RAI14: variants seen among roughly 807,000 people sequenced by gnomAD.
RAI14 encodes retinoic acid induced 14, also known as ankycorbin.
In RAI14, 45 loss-of-function variants were observed where a neutral mutation model predicts 115.4. The ratio of observed to expected loss-of-function variants is 0.39; its 90% CI spans 0.31 to 0.50. The LOEUF is 0.50. RAI14 is among the 20% of genes least tolerant of loss of function. The pLI, the probability that RAI14 is intolerant of heterozygous loss-of-function variation, is 0.85. For synonymous variants in RAI14, 371 were observed against 415.4 expected, an observed-to-expected ratio of 0.89 and a Z score of 1.30; for missense variants, 939 against 1,131.2, an observed-to-expected ratio of 0.83 and a Z score of 2.44.
chr5:34,680,858 A>G (rs1199508564), intron 1 of RAI14, among the ~76,000 whole-genome samples: 1 of 152,166 alleles, frequency 6.6e-6, no homozygotes, highest in Non-Finnish European at 1.5e-5. Context: ...TTCTTTATTC[A>G]TATCCTCAGT....
intron 10 of RAI14, among the ~76,000 whole-genome samples, chr5:34,813,147 C>T (rs113961023): frequency 0.089 from 13,599 of 152,102 alleles, 901 homozygotes; most frequent in South Asian, 0.13. Context: ...TATTACTTAC[C>T]AGTAACCTTC....
intron 1 of RAI14, among the ~76,000 whole-genome samples, chr5:34,667,700 G>T (rs376179851): frequency 6.6e-6 from 1 of 152,170 alleles, no homozygotes; most frequent in East Asian, 1.9e-4. Context: ...CAGAAGACTT[G>T]TATAGACTTG....
At chr5:34,755,886 G>A (rs988139762) in intron 2 of RAI14, among the ~76,000 whole-genome samples, 3 of 150,730 alleles carry the variant, frequency 2.0e-5, no homozygotes, top group Non-Finnish European at 4.5e-5. Flanking sequence ...GGAAACTGAG[G>A]CACAGAAAGA....
At chr5:34,786,887 C>A (rs1016770552) in intron 3 of RAI14, among the ~76,000 whole-genome samples, 2 of 152,106 alleles carry the variant, frequency 1.3e-5, no homozygotes, top group East Asian at 3.8e-4. Flanking sequence ...AGAGATTTAC[C>A]CACATATTTA....
chr5:34,694,898 T>C (rs1390157858), intron 2 of RAI14, among the ~76,000 whole-genome samples: 1 of 152,148 alleles, frequency 6.6e-6, no homozygotes, highest in Non-Finnish European at 1.5e-5. Flanking sequence ...TCATTTTGTC[T>C]GGGTGTGTGT....
chr5:34,752,731 G>A (rs1460290300), intron 2 of RAI14, among the ~76,000 whole-genome samples: 14,485 of 97,940 alleles, frequency 0.15, 1,987 homozygotes, highest in African/African-American at 0.31. Context: ...GTGTGTGTGT[G>A]TGTGTGTGTG....
intron 2 of RAI14, among the ~76,000 whole-genome samples, chr5:34,724,827 T>C (rs1743239497): frequency 6.6e-6 from 1 of 152,178 alleles, no homozygotes; most frequent in Non-Finnish European, 1.5e-5. Context: ...TGGTAATATT[T>C]GAGCTTTACT....
chr5:34,693,450 G>A (rs1192854578), intron 2 of RAI14, among the ~76,000 whole-genome samples: 1 of 152,178 alleles, frequency 6.6e-6, no homozygotes, highest in Non-Finnish European at 1.5e-5. Context: ...ACGTATGGAT[G>A]GCTGACCTTC....
Position 34,823,880 on chromosome 5 carries a change from G to A in RAI14, c.2038G>A (p.Glu680Lys). 6.2e-7 allele frequency: 1 copy of A among 1,614,122 alleles called. No individual in the cohort carries two copies. The highest frequency in any genetic ancestry group is 8.5e-7 in the Non-Finnish European group (1 of 1,179,996). Residue 680 changes from glutamate to lysine, a missense_variant, in exon 15 of 18, where the codon GAG becomes AAG. Glu to Lys is a moderately conservative substitution (Grantham distance 56). Coordinates refer to ENST00000265109, the MANE Select transcript of RAI14 (RefSeq NM_015577.3). This position sits in a 1 kb window ranked among gnomAD's most constrained non-coding sequence, Gnocchi z 4.5. Reference protein sequence around the residue: ...DVTAEYIHKAEHEKLMQLTNV... With the variant: ...DVTAEYIHKAKHEKLMQLTNV... The stretch of plus-strand genomic sequence containing the variant: ...CACAGCTGAATATATCCATAAAGCA[G>A]AGCATGAGAAACTGATGCAATTGAC...
intron 3 of RAI14, among the ~76,000 whole-genome samples, chr5:34,780,559 A>G (rs1751490577): frequency 6.6e-6 from 1 of 152,346 alleles, no homozygotes; most frequent in African/African-American, 2.4e-5. Flanking sequence ...AAAAGTGGGC[A>G]AAGGACATGA....
At chr5:34,808,308 A>G (rs1163716526) in intron 6 of RAI14, among the ~76,000 whole-genome samples, 2 of 152,216 alleles carry the variant, frequency 1.3e-5, no homozygotes, top group Admixed American at 1.3e-4. Context: ...TTTTATTGCT[A>G]GTTGTGGAAA....
At chr5:34,665,427 A>G (rs750081424) in intron 1 of RAI14, among the ~76,000 whole-genome samples, 1 of 150,752 alleles carries the variant, frequency 6.6e-6, no homozygotes, top group Non-Finnish European at 1.5e-5. Flanking sequence ...GATGGAGAAT[A>G]AAAGGCCAGA....
At chr5:34,687,081 C>G (rs1744974425) in intron 2 of RAI14, 126 bp downstream of exon 2, 3 of 961,868 alleles carry the variant, frequency 3.1e-6, no homozygotes, top group East Asian at 2.6e-5. Context: ...GCTCTTGGCC[C>G]CAGCTCAGGG....
intron 2 of RAI14, among the ~76,000 whole-genome samples, chr5:34,745,061 C>G (rs72730561): frequency 0.043 from 6,611 of 152,254 alleles, 198 homozygotes; most frequent in Middle Eastern, 0.075. Context: ...CCAACTTAAA[C>G]GAATATGACC....
At chr5:34,766,426 A>G (rs533531965) in intron 3 of RAI14, among the ~76,000 whole-genome samples, 21 of 152,250 alleles carry the variant, frequency 1.4e-4, no homozygotes, top group African/African-American at 4.3e-4. Flanking sequence ...TGGATGTGAG[A>G]CCTGGAATCA....
chr5:34,773,727 A>T (rs1462335243), intron 3 of RAI14, among the ~76,000 whole-genome samples: 2 of 152,208 alleles, frequency 1.3e-5, no homozygotes, highest in African/African-American at 4.8e-5. Flanking sequence ...CCCAGTTAGA[A>T]TGACTATTAT....
chr5:34,660,814 A>G (rs1272115548), intron 1 of RAI14, among the ~76,000 whole-genome samples: 1 of 150,646 alleles, frequency 6.6e-6, no homozygotes, highest in Non-Finnish European at 1.5e-5. Context: ...TGTCAGACAC[A>G]TGTTACACAT....
At chr5:34,825,409 T>C (rs532446469) in intron 15 of RAI14, among the ~76,000 whole-genome samples, 60 of 152,322 alleles carry the variant, frequency 3.9e-4, no homozygotes, top group African/African-American at 1.3e-3. Context: ...ACCTGCAAAC[T>C]GGAAAGTATT....
At chr5:34,668,197 G>A (rs1482447203) in intron 1 of RAI14, among the ~76,000 whole-genome samples, 1 of 151,982 alleles carries the variant, frequency 6.6e-6, no homozygotes, top group Non-Finnish European at 1.5e-5. Context: ...AGTTCAAGAC[G>A]AGCCTGGCCA....
Sources: gnomAD v4.1 joint callset for allele counts (sites outside exome capture counted in the v4.1 genomes callset) on GRCh38, gnomAD v4.1.1 for gene constraint, Gnocchi (gnomAD v3.1) non-coding constraint, MANE v1.5 for transcripts, NCBI Gene and HGNC (gene_info 2026-07-23, HGNC 2026-07-21) for gene names.